Variants in RAPGEF4 observed in about 807,000 individuals in gnomAD.
RAPGEF4 encodes the protein Rap guanine nucleotide exchange factor 4, also known as RAP guanine-nucleotide-exchange factor (GEF) 4.
In RAPGEF4, 66 loss-of-function variants were observed where a neutral mutation model predicts 147.9. The observed-to-expected ratio is 0.45, with a 90% CI of 0.37 to 0.55. The LOEUF (loss-of-function observed/expected upper bound fraction) is 0.55. Ranked by LOEUF, RAPGEF4 falls within the 20% of genes least tolerant of loss-of-function variation. The probability of loss-of-function intolerance (pLI) is 0.00; values close to 1 mark genes in which losing one functional copy is unlikely to be tolerated. For synonymous variants in RAPGEF4, 419 were observed against 442.7 expected (o/e 0.95, Z 0.67); for missense variants, 1,071 against 1,257.3 (o/e 0.85, Z 2.24).
At position 173,014,383 on chromosome 2, in the gene RAPGEF4, G is replaced by A. The variant is rs568083295; in HGVS notation, c.1659-81G>A. The A allele has an allele frequency of 1.5e-5, 24 of 1,565,962 alleles. No homozygotes were observed. The Middle Eastern group carries it at 8.4e-4, about 55-fold the overall frequency. On this transcript the variant is annotated intron_variant, in intron 17 of 30. Coordinates refer to ENST00000397081, the MANE Select transcript of RAPGEF4 (RefSeq NM_007023.4). ...CTAAAAGCCTGGCTTTCTGAAGCTG[G>A]GATCTGTCACTCTTTACCTTTGAAA... is the stretch of plus-strand genomic sequence containing the variant.
At chr2:172,792,606 G>A (rs1188214246) in intron 1 of RAPGEF4, among the ~76,000 whole-genome samples, 2 of 152,174 alleles carry the variant, frequency 1.3e-5, no homozygotes, top group African/African-American at 4.8e-5. Context: ...GCCTAAAAGT[G>A]TGATGGGGTG....
chr2:172,737,307 T>C (rs866419532), intron 1 of RAPGEF4, among the ~76,000 whole-genome samples: 22 of 152,198 alleles, frequency 1.4e-4, no homozygotes, highest in African/African-American at 5.1e-4. Flanking sequence ...CACAGGATTA[T>C]GTAGAAGAAC....
At chr2:172,920,915 G>C (rs1454093953) in intron 5 of RAPGEF4, among the ~76,000 whole-genome samples, 1 of 152,036 alleles carries the variant, frequency 6.6e-6, no homozygotes, top group East Asian at 1.9e-4. Flanking sequence ...TAGCGAGCCT[G>C]TTAATACTCT....
chr2:172,737,075 T>C (rs1234959913), intron 1 of RAPGEF4, among the ~76,000 whole-genome samples: 1 of 152,230 alleles, frequency 6.6e-6, no homozygotes, highest in Non-Finnish European at 1.5e-5. Context: ...GCATACTCTA[T>C]TATAGGCCTT....
chr2:172,910,459 T>C (rs943791699), intron 4 of RAPGEF4, among the ~76,000 whole-genome samples: 6 of 152,236 alleles, frequency 3.9e-5, no homozygotes, highest in African/African-American at 1.4e-4. Context: ...TCCTTTTATC[T>C]ATTGTCTAAC....
chr2:172,985,328 G>A, intron 11 of RAPGEF4, 105 bp from the exon 12 acceptor site: 1 of 1,508,888 alleles, frequency 6.6e-7, no homozygotes, highest in Non-Finnish European at 9.1e-7. Flanking sequence ...TGACTGCATG[G>A]GAAGCCCCGG....
At chr2:173,033,864 C>G (rs938623725) in intron 26 of RAPGEF4, 50 bp from the exon 27 acceptor site, 9 of 1,542,000 alleles carry the variant, frequency 5.8e-6, no homozygotes, top group Non-Finnish European at 8.0e-6. Context: ...TGATACATAT[C>G]TAGATATTGA....
chr2:172,797,909 A>C (rs1196690112), intron 3 of RAPGEF4, among the ~76,000 whole-genome samples: 2 of 152,334 alleles, frequency 1.3e-5, no homozygotes, highest in East Asian at 3.9e-4. Flanking sequence ...AGTGTGACAC[A>C]AATTGCTGTA....
chr2:172,737,323 GTATT>G (rs1178824513), intron 1 of RAPGEF4, among the ~76,000 whole-genome samples: 1 of 152,156 alleles, frequency 6.6e-6, no homozygotes, highest in East Asian at 1.9e-4. Context: ...AGAACTAAGA[GTATT>G]TAAAGTATAG....
At chr2:172,851,128 T>G (rs1277652746) in intron 4 of RAPGEF4, among the ~76,000 whole-genome samples, 1 of 152,220 alleles carries the variant, frequency 6.6e-6, no homozygotes, top group Non-Finnish European at 1.5e-5. Flanking sequence ...TCCTAGAGAT[T>G]CTGGTATGTT....
At chr2:172,820,951 A>G (rs771702610) in intron 4 of RAPGEF4, among the ~76,000 whole-genome samples, 1 of 152,196 alleles carries the variant, frequency 6.6e-6, no homozygotes, top group Non-Finnish European at 1.5e-5. Context: ...TTCAAGCCAC[A>G]GTGAGAATAA....
At chr2:172,868,246 C>T (rs1177650050) in intron 4 of RAPGEF4, among the ~76,000 whole-genome samples, 1 of 152,118 alleles carries the variant, frequency 6.6e-6, no homozygotes, top group Admixed American at 6.5e-5. Context: ...CAATATTCAC[C>T]CAACTCATAT....
rs1356328916 is a variant in RAPGEF4 at position 172,889,409 on chromosome 2, A to G, written c.445-28393A>G. On this transcript the variant is annotated intron_variant, in intron 4 of 30. Transcript: ENST00000397081. ...CGTATTTGCTTACAAACAGATTTCAATTGTTGAGAGACCAATTTACGAACG... is the reference window on the plus strand; with the variant it reads ...CGTATTTGCTTACAAACAGATTTCAGTTGTTGAGAGACCAATTTACGAACG... Among the ~76,000 whole-genome samples the G allele has an allele frequency of 3.9e-5, 6 of 152,164 alleles. No homozygotes were observed. In the South Asian group the frequency reaches 6.2e-4, roughly 16 times the overall value.
intron 1 of RAPGEF4, among the ~76,000 whole-genome samples, chr2:172,753,930 C>T (rs1695534384): frequency 6.6e-6 from 1 of 151,896 alleles, no homozygotes; most frequent in Admixed American, 6.6e-5. Flanking sequence ...ATATACACAC[C>T]AGCTTCTTTC....
At chr2:172,872,990 A>G (rs536292190) in intron 4 of RAPGEF4, among the ~76,000 whole-genome samples, 1 of 152,220 alleles carries the variant, frequency 6.6e-6, no homozygotes, top group South Asian at 2.1e-4. Context: ...AATACCCCTT[A>G]CTTGGGTGCA....
chr2:172,959,032 C>G (rs1416096814), intron 6 of RAPGEF4, among the ~76,000 whole-genome samples: 1 of 152,136 alleles, frequency 6.6e-6, no homozygotes, highest in Non-Finnish European at 1.5e-5. Flanking sequence ...TTTATTTTCA[C>G]TGTAATGGCT....
intron 6 of RAPGEF4, among the ~76,000 whole-genome samples, chr2:172,942,761 C>T (rs931357724): frequency 3.9e-5 from 6 of 151,988 alleles, no homozygotes; most frequent in South Asian, 2.1e-4. Flanking sequence ...ATTTTAATAA[C>T]GTATTTTTAT....
At chr2:172,744,858 GATTAT>G (rs1262190099) in intron 1 of RAPGEF4, among the ~76,000 whole-genome samples, 1 of 151,810 alleles carries the variant, frequency 6.6e-6, no homozygotes, top group African/African-American at 2.4e-5. Context: ...TTATTGAGAT[GATTAT>G]ATTATTTTTC....
chr2:172,905,001 A>G (rs1264553555), intron 4 of RAPGEF4, among the ~76,000 whole-genome samples: 1 of 151,700 alleles, frequency 6.6e-6, no homozygotes, highest in Non-Finnish European at 1.5e-5. Flanking sequence ...CTGAGGCCTC[A>G]CTACCCTCCT....
Sources: gnomAD v4.1 joint callset for allele counts (sites outside exome capture counted in the v4.1 genomes callset) on GRCh38, gnomAD v4.1.1 for gene constraint, MANE v1.5 for transcripts, NCBI Gene and HGNC (gene_info 2026-07-23, HGNC 2026-07-21) for gene names.